Variants in HNRNPLL observed in about 807,000 individuals in gnomAD.
HNRNPLL encodes heterogeneous nuclear ribonucleoprotein L like, also known as heterogeneous nuclear ribonucleoprotein L-like.
In HNRNPLL, 25 loss-of-function variants were observed where a neutral mutation model predicts 67.1. The ratio of observed to expected loss-of-function variants is 0.37; its 90% confidence interval spans 0.27 to 0.52. The LOEUF (loss-of-function observed/expected upper bound fraction) is 0.52, where lower values mean the gene tolerates loss of function less well. Among genes scored for constraint, HNRNPLL ranks in the 20% least tolerant of loss-of-function variants. The pLI, the probability that HNRNPLL is intolerant of heterozygous loss-of-function variation, is 0.90. For missense variants in HNRNPLL, 542 were observed against 673.9 expected, an observed-to-expected ratio of 0.80 and a Z score of 2.17; for synonymous variants, 267 against 241.7, an observed-to-expected ratio of 1.10 and a Z score of -0.97.
In HNRNPLL at chr2:38,591,514, T is replaced by C. The variant is rs1172215351; in HGVS notation, c.308+16A>G. 8.0e-7 allele frequency: 1 copy of C among 1,247,960 alleles called. No homozygotes were observed. The highest frequency in any genetic ancestry group is 1.5e-5 in the African/African-American group (1 of 67,804). The allele number at this position is 1,247,960 out of a possible 1,614,324, so 77.3% of individuals were successfully genotyped here. A position where few individuals can be genotyped will look rare whatever the true frequency, so the allele number is the denominator to read the frequency against. On this transcript the variant is annotated intron_variant, in intron 2 of 12. Transcript: ENST00000449105. ...ACCACAGTTTTCAATCTACATGAAGTCCCTATCATCCTTACCATATTGTCC... is the reference window on the plus strand; with the variant it reads ...ACCACAGTTTTCAATCTACATGAAGCCCCTATCATCCTTACCATATTGTCC...
chr2:38,570,017 T>C (rs1398576829), intron 8 of HNRNPLL, 92 bp from the exon 9 acceptor site: 1 of 824,930 alleles, frequency 1.2e-6, no homozygotes, highest in Non-Finnish European at 1.9e-6. Context: ...GTGGTTAAAG[T>C]AAAATACGGA....
chr2:38,600,813 C>T lies in HNRNPLL; in HGVS notation c.189+1625G>A, dbSNP rs79913190. On this transcript the variant is annotated intron_variant, in intron 1 of 12. Transcript: ENST00000449105. Reference sequence around the variant, plus strand: ...GACCACCCCCAAGCCCTACTCAGTGCCATTTCCACCGCTCCACACATTTCG... The same window carrying T: ...GACCACCCCCAAGCCCTACTCAGTGTCATTTCCACCGCTCCACACATTTCG... Among the ~76,000 whole-genome samples the T allele has an allele frequency of 9.0e-4, 137 of 152,134 alleles. 1 individual carries two copies. Among genetic ancestry groups the T allele is most frequent in the African/African-American group, 2.9e-3 (119 of 41,494 alleles).
In HNRNPLL at chr2:38,562,752, A is replaced by G. The variant is rs1172201339; in HGVS notation, c.*1430T>C. On this transcript the variant is annotated 3_prime_UTR_variant, in exon 13 of 13. Transcript: ENST00000449105. ...TTTTTCTTTATCTTTAGAGGGCTAA[A>G]TGCTGGTCCACTGCCATCAAAATGA... 6.6e-6 allele frequency: 1 copy of G among 152,080 alleles called. No individual in the cohort carries two copies. The highest frequency in any genetic ancestry group is 1.5e-5 in the Non-Finnish European group (1 of 67,948). 9.4% of individuals were successfully genotyped at this position (152,080 alleles called of 1,614,324 possible).
At chr2:38,599,800 A>T (rs1667350820) in intron 1 of HNRNPLL, 1 of 448,482 alleles carries the variant, frequency 2.2e-6, no homozygotes, top group Admixed American at 2.7e-5. Flanking sequence ...ACTCAAGGTT[A>T]ATCATAAAAA....
At chr2:38,569,426 A>G (rs1194207073) in intron 9 of HNRNPLL, 92 bp from the exon 10 acceptor site, 18 of 871,110 alleles carry the variant, frequency 2.1e-5, no homozygotes, top group Non-Finnish European at 3.2e-5. Context: ...TGCTTGCATA[A>G]ATCTTAACCA....
At chr2:38,598,240 A>T (rs2148390483) in intron 1 of HNRNPLL, among the ~76,000 whole-genome samples, 1 of 152,290 alleles carries the variant, frequency 6.6e-6, no homozygotes, top group Middle Eastern at 3.4e-3. Context: ...CTTGATAAGA[A>T]GGGATAAATA....
rs1160650343 is a variant in HNRNPLL at position 38,573,384 on chromosome 2, C to T, written c.918G>A (p.Met306Ile). The T allele has an allele frequency of 4.3e-6, 7 of 1,611,610 alleles. No individual in the cohort carries two copies. Among genetic ancestry groups the T allele is most frequent in the Middle Eastern group, 1.7e-4 (1 of 6,044 alleles). Residue 306 changes from methionine (M) to isoleucine (I), a missense_variant, in exon 8 of 13, where the codon ATG (methionine) becomes ATA (isoleucine). Coordinates refer to ENST00000449105, the MANE Select transcript of HNRNPLL (RefSeq NM_138394.4). ...PLLPLPSRYR[M>I]GSRDTPELVA... is the part of the protein sequence containing the mutation. ...CAAGTTCAGGTGTATCTCGAGAGCC[C>T]ATTCTGTAACGACTTGGTAAAGGCA...
chr2:38,602,724 C>T lies in HNRNPLL; in HGVS notation c.-98G>A. ...CCAGTCCTCGCCGCCGGCAGCGCCT[C>T]TTCTGCGAGGGTCTCCGCGGCCCGG... is the stretch of plus-strand genomic sequence containing the variant. On this transcript the variant is annotated 5_prime_UTR_variant, in exon 1 of 13. Transcript: ENST00000449105. 2 of 1,469,340 alleles carry T rather than the reference C, an allele frequency of 1.4e-6. No individual in the cohort carries two copies. Among genetic ancestry groups the T allele is most frequent in the Non-Finnish European group, 1.8e-6 (2 of 1,110,888 alleles). The allele number at this position is 1,469,340 out of a possible 1,614,324, so 91.0% of individuals were successfully genotyped here.
At chr2:38,573,537 G>T in intron 7 of HNRNPLL, 110 bp from the exon 8 acceptor site, 1 of 708,860 alleles carries the variant, frequency 1.4e-6, no homozygotes, top group Non-Finnish European at 2.4e-6. Context: ...CTTAATATTA[G>T]CTAGTTTGAT....
chr2:38,598,920 G>A (rs990613375), intron 1 of HNRNPLL, among the ~76,000 whole-genome samples: 12 of 152,194 alleles, frequency 7.9e-5, no homozygotes, highest in African/African-American at 2.7e-4. Context: ...CTCAGGCTCT[G>A]GCACTTACCT....
rs964714460 is a variant in HNRNPLL, at chr2:38,562,283, A to T, written c.*1899T>A. ...TGTATAAATCTATCAGCAAGGCCCA[A>T]CTTACCAACTAGTTTACTCCCAAAC... On this transcript the variant is annotated 3_prime_UTR_variant, in exon 13 of 13. Coordinates refer to ENST00000449105, the MANE Select transcript of HNRNPLL (RefSeq NM_138394.4). 6.6e-6 allele frequency: 1 copy of T among 152,178 alleles called. No individual in the cohort carries two copies. The highest frequency in any genetic ancestry group is 6.5e-5 in the Admixed American group (1 of 15,282). The allele number at this position is 152,178 out of a possible 1,614,324, so 9.4% of individuals were successfully genotyped here. A position where few individuals can be genotyped will look rare whatever the true frequency, so the allele number is the denominator to read the frequency against.
At chr2:38,589,107 A>G (rs570748642) in intron 2 of HNRNPLL, among the ~76,000 whole-genome samples, 1 of 152,354 alleles carries the variant, frequency 6.6e-6, no homozygotes, top group South Asian at 2.1e-4. Context: ...AAGAAATACA[A>G]CATGTATTTT....
At chr2:38,574,616 T>G (rs1666227917) in intron 7 of HNRNPLL, among the ~76,000 whole-genome samples, 1 of 151,816 alleles carries the variant, frequency 6.6e-6, no homozygotes, top group Admixed American at 6.6e-5. Context: ...TATGGTGGAC[T>G]CCAATTTTTG....
intron 1 of HNRNPLL, among the ~76,000 whole-genome samples, chr2:38,595,972 A>T (rs1667173102): frequency 6.6e-6 from 1 of 152,128 alleles, no homozygotes; most frequent in East Asian, 1.9e-4. Flanking sequence ...CCACTCAATG[A>T]ATCTGCCATT....
chr2:38,578,691 A>T (rs2148353474), intron 6 of HNRNPLL, among the ~76,000 whole-genome samples: 1 of 152,146 alleles, frequency 6.6e-6, no homozygotes, highest in South Asian at 2.1e-4. Flanking sequence ...GTAAGTTGGG[A>T]CCATTTAGCT....
intron 7 of HNRNPLL, 141 bp from the exon 8 acceptor site, chr2:38,573,568 TATGA>T: frequency 3.2e-6 from 2 of 621,540 alleles, no homozygotes; most frequent in South Asian, 2.0e-5. Flanking sequence ...AACTCAAATG[TATGA>T]ATATTTCAGT....
intron 12 of HNRNPLL, among the ~76,000 whole-genome samples, chr2:38,566,830 A>T (rs1037639370): frequency 2.0e-5 from 3 of 151,370 alleles, no homozygotes; most frequent in African/African-American, 7.3e-5. Context: ...TTAAAAAAAA[A>T]AAAAATTAAA....
At chr2:38,583,769 G>T in intron 4 of HNRNPLL, 72 bp downstream of exon 4, 1 of 685,048 alleles carries the variant, frequency 1.5e-6, no homozygotes, top group Non-Finnish European at 2.4e-6. Flanking sequence ...CACTTGTCTA[G>T]AAATGCTTAA....
At chr2:38,585,122 GTAGGAAGAAAAC>G (rs147680033) in intron 3 of HNRNPLL, among the ~76,000 whole-genome samples, 2,551 of 152,222 alleles carry the variant, frequency 0.017, 63 homozygotes, top group African/African-American at 0.058. Flanking sequence ...CAGCATGTGA[GTAGGAAGAAAAC>G]TAGTTCTGGA....
Sources: gnomAD v4.1 joint callset for allele counts (sites outside exome capture counted in the v4.1 genomes callset) on GRCh38, gnomAD v4.1.1 for gene constraint, MANE v1.5 for transcripts, NCBI Gene and HGNC (gene_info 2026-07-23, HGNC 2026-07-21) for gene names.